TMEM164: variants seen among roughly 807,000 people sequenced by gnomAD.
TMEM164 encodes the protein RP13-360B22.2.
TMEM164 carries 4 observed loss-of-function variants against 18.8 expected under a neutral mutation model. The observed-to-expected ratio is 0.21, with a 90% CI of 0.10 to 0.49. The LOEUF (loss-of-function observed/expected upper bound fraction) is 0.49, where lower values mean the gene tolerates loss of function less well. Among genes scored for constraint, TMEM164 ranks in the 20% least tolerant of loss-of-function variants. The pLI, the probability that TMEM164 is intolerant of heterozygous loss-of-function variation, is 0.98. For synonymous variants in TMEM164, 86 were observed against 101.7 expected (o/e 0.85, Z 0.93); for missense variants, 108 against 239.9 (o/e 0.45, Z 3.63).
intron 4 of TMEM164, among the ~76,000 whole-genome samples, chrX:110,119,188 T>G (rs760476638): frequency 8.9e-6 from 1 of 112,396 alleles, no homozygotes; most frequent in African/African-American, 3.2e-5. Flanking sequence ...TCATCACCAA[T>G]GCAAAGGTGA....
chrX:110,091,413 G>T (rs775856850), intron 3 of TMEM164, among the ~76,000 whole-genome samples: 3 of 112,102 alleles, frequency 2.7e-5, no homozygotes, highest in African/African-American at 9.8e-5. Flanking sequence ...ACTGGTGTGA[G>T]ATGGTATCTC....
intron 5 of TMEM164, among the ~76,000 whole-genome samples, chrX:110,161,104 G>A (rs1569356877): frequency 8.9e-6 from 1 of 112,317 alleles, no homozygotes; most frequent in Non-Finnish European, 1.9e-5. Flanking sequence ...TTCTAGGCAG[G>A]CCACCTCTCT....
At chrX:110,010,437 C>T (rs941616348) in intron 2 of TMEM164, among the ~76,000 whole-genome samples, 3 of 112,833 alleles carry the variant, frequency 2.7e-5, no homozygotes, top group Non-Finnish European at 5.6e-5. Context: ...TGCGAAGAGA[C>T]TCTGGATGTG....
chrX:110,086,688 G>GTGTA (rs1556001294), intron 3 of TMEM164, among the ~76,000 whole-genome samples: 7 of 106,842 alleles, frequency 6.6e-5, no homozygotes, highest in African/African-American at 1.4e-4. Flanking sequence ...GTGTGTGTGT[G>GTGTA]TATATATATA....
In TMEM164 at chrX:110,103,528, G is replaced by C. The variant is rs891115812; in HGVS notation, c.441-5552G>C. On this transcript the variant is annotated intron_variant, in intron 3 of 6. Coordinates refer to ENST00000372068, the MANE Select transcript of TMEM164 (RefSeq NM_032227.4). ...AGGAATATAGCCTCCTGGGGTATAAGGGGCAGATAGAGGAGGTCTGGCTTT... is the reference window on the plus strand; with the variant it reads ...AGGAATATAGCCTCCTGGGGTATAACGGGCAGATAGAGGAGGTCTGGCTTT... Among the ~76,000 whole-genome samples the C allele has an allele frequency of 2.7e-5, 3 of 110,557 alleles. No homozygotes were observed. The Admixed American group carries it at 2.9e-4, about 11-fold the overall frequency.
intron 3 of TMEM164, among the ~76,000 whole-genome samples, chrX:110,079,317 A>G (rs1278152449): frequency 9.0e-6 from 1 of 111,718 alleles, no homozygotes; most frequent in Non-Finnish European, 1.9e-5. Context: ...CATAATAAGT[A>G]GGTGTTATTG....
downstream of TMEM164, among the ~76,000 whole-genome samples, chrX:110,178,814 C>T (rs993970154): frequency 3.6e-5 from 4 of 112,432 alleles, no homozygotes; most frequent in African/African-American, 9.7e-5. Flanking sequence ...TGTCCTTGTA[C>T]GGTAGGGAGA....
At chrX:110,018,097 G>C (rs1206745482) in intron 2 of TMEM164, among the ~76,000 whole-genome samples, 3 of 111,371 alleles carry the variant, frequency 2.7e-5, no homozygotes, top group African/African-American at 9.8e-5. Context: ...CCACTCAGCT[G>C]CGGATATAAC....
chrX:110,160,705 G>A (rs1434766863), intron 5 of TMEM164, among the ~76,000 whole-genome samples: 1 of 111,390 alleles, frequency 9.0e-6, no homozygotes, highest in African/African-American at 3.3e-5. Context: ...TGACCCTCAG[G>A]CTTGACACCC....
intron 4 of TMEM164, among the ~76,000 whole-genome samples, chrX:110,125,779 T>C (rs1039576569): frequency 1.8e-4 from 20 of 112,578 alleles, no homozygotes; most frequent in Non-Finnish European, 1.3e-4. Flanking sequence ...AGCTGAAAGC[T>C]TTTTAATAAA....
intron 2 of TMEM164, among the ~76,000 whole-genome samples, chrX:110,006,590 T>TA (rs1018131291): frequency 1.6e-3 from 165 of 102,684 alleles, no homozygotes; most frequent in African/African-American, 3.7e-3. Flanking sequence ...TGATGAGTCC[T>TA]AAAAAAAAAA....
At chrX:110,056,409 T>A (rs940973054) in intron 2 of TMEM164, among the ~76,000 whole-genome samples, 1 of 112,496 alleles carries the variant, frequency 8.9e-6, no homozygotes, top group Admixed American at 9.4e-5. Context: ...ATGCCACATT[T>A]TATGTATCCA....
chrX:110,119,181 TCAC>T lies in TMEM164; in HGVS notation c.507+10038_507+10040del, dbSNP rs771607205. 3.7e-3 allele frequency among the ~76,000 whole-genome samples: 419 copies of T among 112,593 alleles called. 2 individuals are homozygous for T. The highest frequency in any genetic ancestry group is 0.012 in the African/African-American group (373 of 31,023). ...AAAAGTATAAATTTTAAAAAAATCATCACCAATGCAAAGGTGATTATTTTTCTG... is the reference window on the plus strand; with the variant it reads ...AAAAGTATAAATTTTAAAAAAATCATCAATGCAAAGGTGATTATTTTTCTG... On this transcript the variant is annotated intron_variant, in intron 4 of 6. Coordinates refer to ENST00000372068, the MANE Select transcript of TMEM164 (RefSeq NM_032227.4).
chrX:110,149,481 T>G (rs900636027), intron 5 of TMEM164, among the ~76,000 whole-genome samples: 7 of 112,070 alleles, frequency 6.2e-5, no homozygotes, highest in Non-Finnish European at 1.1e-4. Context: ...TTTGGATTGC[T>G]CTGCTTCGGG....
chrX:110,078,817 C>T (rs1434673659), intron 3 of TMEM164, among the ~76,000 whole-genome samples: 1 of 111,492 alleles, frequency 9.0e-6, no homozygotes, highest in African/African-American at 3.3e-5. Context: ...GAAACTTTGT[C>T]TCAAAAAATA....
At chrX:110,049,297 C>T (rs918363352) in intron 2 of TMEM164, among the ~76,000 whole-genome samples, 9 of 110,423 alleles carry the variant, frequency 8.2e-5, no homozygotes, top group Admixed American at 6.8e-4. Context: ...AAAGGGCATA[C>T]GGCCTAATGC....
intron 2 of TMEM164, among the ~76,000 whole-genome samples, chrX:110,005,777 G>A (rs186563881): frequency 9.0e-6 from 1 of 111,642 alleles, no homozygotes; most frequent in African/African-American, 3.3e-5. Flanking sequence ...AGGAAACAAC[G>A]CATCTCAGCC....
At chrX:110,182,186 ACTC>A (rs1205511100), downstream of TMEM164, 1 of 110,497 alleles carries the variant, frequency 9.1e-6, no homozygotes, top group African/African-American at 3.3e-5. Flanking sequence ...GTTAACTTAG[ACTC>A]CTCTTCCTCT....
chrX:110,159,857 G>A (rs2067069033), intron 5 of TMEM164, among the ~76,000 whole-genome samples: 1 of 111,786 alleles, frequency 8.9e-6, no homozygotes, highest in African/African-American at 3.3e-5. Flanking sequence ...CACACCCTCA[G>A]TGGACAGCCA....
Sources: gnomAD v4.1 joint callset for allele counts (sites outside exome capture counted in the v4.1 genomes callset) on GRCh38, gnomAD v4.1.1 for gene constraint, MANE v1.5 for transcripts, NCBI Gene and HGNC (gene_info 2026-07-23, HGNC 2026-07-21) for gene names.